The following TOM1L2 variants were observed in gnomAD, a reference collection of about 807,000 sequenced individuals.
TOM1L2 encodes the protein target of myb1 like 2 membrane trafficking protein.
TOM1L2 carries 31 observed loss-of-function variants against 67.9 expected under a neutral mutation model. The observed-to-expected ratio is 0.46, with a 90% CI of 0.34 to 0.62. TOM1L2 has a LOEUF of 0.62. TOM1L2 is among the 20% of genes least tolerant of loss of function. The probability of loss-of-function intolerance (pLI) is 0.01; values close to 1 mark genes in which losing one functional copy is unlikely to be tolerated. For missense variants in TOM1L2, 606 were observed against 663.5 expected (o/e 0.91, Z 0.95); for synonymous variants, 256 against 254.0 (o/e 1.01, Z -0.07).
intron 1 of TOM1L2, among the ~76,000 whole-genome samples, chr17:17,940,724 C>T (rs942887361): frequency 3.9e-5 from 6 of 152,162 alleles, no homozygotes; most frequent in Admixed American, 3.9e-4. Flanking sequence ...GGGGTGACCT[C>T]GCTAATTCAA....
At chr17:17,869,665 C>A in intron 7 of TOM1L2, 192 bp from the exon 8 acceptor site, 1 of 1,378,752 alleles carries the variant, frequency 7.3e-7, no homozygotes, top group South Asian at 1.9e-5. Flanking sequence ...GCAGAGGAAA[C>A]AAGTACTTTT....
rs746685451 is a variant in TOM1L2, at chr17:17,893,742, G to C, written c.285C>G (p.Ile95Met). ...ATATAATTTTGACCAGAACACTGTC[G>C]ATGAAATCTCGGTTGGCCACAAGGA... Reference protein sequence around the residue: ...FHILVANRDFIDSVLVKIISP... With the variant: ...FHILVANRDFMDSVLVKIISP... The change falls in exon 4 of 15, where the codon ATC (isoleucine) becomes ATG (methionine). Residue 95 changes from isoleucine to methionine, a missense_variant. Ile to Met is a conservative substitution (Grantham distance 10). This residue lies in a region of TOM1L2 where 543 missense variants were observed against 554.0 expected (regional missense o/e 0.98). Coordinates refer to ENST00000379504, the MANE Select transcript of TOM1L2 (RefSeq NM_001082968.2). 6.2e-7 allele frequency: 1 copy of C among 1,613,998 alleles called. No individual in the cohort carries two copies. Among genetic ancestry groups the C allele is most frequent in the Non-Finnish European group, 8.5e-7 (1 of 1,180,012 alleles).
intron 1 of TOM1L2, among the ~76,000 whole-genome samples, chr17:17,919,356 T>C (rs1049077146): frequency 6.6e-6 from 1 of 152,154 alleles, no homozygotes; most frequent in Admixed American, 6.5e-5. Flanking sequence ...CCCATTCCCG[T>C]GTCACCACTG....
intron 13 of TOM1L2, among the ~76,000 whole-genome samples, chr17:17,850,620 C>T (rs2035912869): frequency 6.6e-6 from 1 of 152,204 alleles, no homozygotes; most frequent in Admixed American, 6.5e-5. Context: ...TGTTTTGGAG[C>T]CAGCTACGGC....
At chr17:17,872,018 C>T (rs999401683) in intron 7 of TOM1L2, 29 of 985,448 alleles carry the variant, frequency 2.9e-5, no homozygotes, top group Non-Finnish European at 3.5e-5. Context: ...GAGGGGCTCT[C>T]AAAAAGCTGC....
At chr17:17,908,864 T>C (rs1364680500) in intron 1 of TOM1L2, among the ~76,000 whole-genome samples, 3 of 152,150 alleles carry the variant, frequency 2.0e-5, no homozygotes, top group Non-Finnish European at 4.4e-5. Flanking sequence ...ATAGCTGCTA[T>C]GGAAAACAGG....
chr17:17,964,651 G>A (rs2041812712), intron 1 of TOM1L2, among the ~76,000 whole-genome samples: 1 of 152,164 alleles, frequency 6.6e-6, no homozygotes, highest in African/African-American at 2.4e-5. Flanking sequence ...CCAGCACTTT[G>A]GGAGGCTGAA....
At chr17:17,957,232 T>C (rs8077338) in intron 1 of TOM1L2, among the ~76,000 whole-genome samples, 93,394 of 152,166 alleles carry the variant, frequency 0.61, 31,761 homozygotes, top group East Asian at 0.94. Flanking sequence ...CCTCCTGCCT[T>C]GGCCTCCCAA....
chr17:17,952,678 A>G (rs1034690433), intron 1 of TOM1L2, among the ~76,000 whole-genome samples: 1 of 151,848 alleles, frequency 6.6e-6, no homozygotes, highest in Non-Finnish European at 1.5e-5. Context: ...TACAGGTGTG[A>G]GCCACCACAC....
chr17:17,961,733 G>T (rs369126280), intron 1 of TOM1L2, among the ~76,000 whole-genome samples: 138 of 152,118 alleles, frequency 9.1e-4, no homozygotes, highest in African/African-American at 3.1e-3. Flanking sequence ...TTAGCCGGGC[G>T]TGGTGGCAGG....
At chr17:17,929,546 G>T (rs371189715) in intron 1 of TOM1L2, among the ~76,000 whole-genome samples, 1 of 152,094 alleles carries the variant, frequency 6.6e-6, no homozygotes, top group Non-Finnish European at 1.5e-5. Context: ...CAGGAGAATC[G>T]CTTGAACCCG....
chr17:17,936,060 T>C (rs933449486), intron 1 of TOM1L2, among the ~76,000 whole-genome samples: 1 of 152,246 alleles, frequency 6.6e-6, no homozygotes, highest in African/African-American at 2.4e-5. Context: ...TTCCCACTGC[T>C]GTTAGGACAA....
intron 3 of TOM1L2, among the ~76,000 whole-genome samples, chr17:17,895,977 CG>C (rs1333530381): frequency 1.3e-5 from 2 of 152,106 alleles, no homozygotes; most frequent in East Asian, 3.9e-4. Context: ...TAGGAGGCCC[CG>C]GGTTCCTCTG....
Position 17,911,663 on chromosome 17 carries a change from T to A in TOM1L2, c.53-4132A>T, listed in dbSNP as rs148363552. Among the ~76,000 whole-genome samples, 1,121 of 152,136 alleles carry A rather than the reference T, an allele frequency of 7.4e-3. 11 individuals carry two copies. Among genetic ancestry groups the A allele is most frequent in the African/African-American group, 0.026 (1,076 of 41,484 alleles). On this transcript the variant is annotated intron_variant, in intron 1 of 14. Coordinates refer to ENST00000379504, the MANE Select transcript of TOM1L2 (RefSeq NM_001082968.2). Reference sequence around the variant, plus strand: ...GGAAATTCTTTTTTTTTTTTAATTTTTTTATTTTTTATTGATCATTCTTGG... The same window carrying A: ...GGAAATTCTTTTTTTTTTTTAATTTATTTATTTTTTATTGATCATTCTTGG...
chr17:17,891,164 C>A (rs1346934251), intron 4 of TOM1L2, among the ~76,000 whole-genome samples: 1 of 152,252 alleles, frequency 6.6e-6, no homozygotes, highest in Non-Finnish European at 1.5e-5. Flanking sequence ...GCTCAGGTCC[C>A]CATGGCCAGC....
intron 1 of TOM1L2, among the ~76,000 whole-genome samples, chr17:17,950,900 G>A (rs903045065): frequency 6.6e-6 from 1 of 152,214 alleles, no homozygotes; most frequent in African/African-American, 2.4e-5. Context: ...TTGGTGCAGA[G>A]GGAAAAGAAA....
intron 12 of TOM1L2, among the ~76,000 whole-genome samples, chr17:17,853,832 G>C (rs1270231261): frequency 6.6e-6 from 1 of 152,236 alleles, no homozygotes; most frequent in Non-Finnish European, 1.5e-5. Context: ...GGCAGGAGCA[G>C]GGGACAGAGG....
At chr17:17,894,975 A>ATGCATG (rs1555598777) in intron 3 of TOM1L2, among the ~76,000 whole-genome samples, 4,112 of 147,606 alleles carry the variant, frequency 0.028, 81 homozygotes, top group Non-Finnish European at 0.039. Flanking sequence ...ATACATACAT[A>ATGCATG]CATGCATGCA....
chr17:17,898,547 G>A (rs375807707), intron 3 of TOM1L2, 49 bp downstream of exon 3: 600 of 1,596,972 alleles, frequency 3.8e-4, no homozygotes, highest in Non-Finnish European at 4.8e-4. Flanking sequence ...AAGGCCAGGA[G>A]CAAGGAGTTC....
Sources: gnomAD v4.1 joint callset for allele counts (sites outside exome capture counted in the v4.1 genomes callset) on GRCh38, gnomAD v4.1.1 for gene constraint, gnomAD v4.1.1 regional missense constraint, MANE v1.5 for transcripts, NCBI Gene and HGNC (gene_info 2026-07-23, HGNC 2026-07-21) for gene names.